Variants in NEK11 observed in about 807,000 individuals in gnomAD.
The protein encoded by NEK11 is NIMA related kinase 11.
Under a neutral mutation model 80.7 loss-of-function variants are expected in NEK11, and 72 were observed. The ratio of observed to expected loss-of-function variants is 0.89; its 90% CI spans 0.74 to 1.08. The LOEUF is 1.08. Ranked by LOEUF, NEK11 falls within the 50% of genes least tolerant of loss-of-function variation. The pLI is 0.00. For missense variants in NEK11, 764 were observed against 763.6 expected (o/e 1.00, Z -0.01); for synonymous variants, 251 against 260.7 (o/e 0.96, Z 0.36).
chr3:131,074,994 T>C (rs2074102602), intron 3 of NEK11, among the ~76,000 whole-genome samples: 1 of 152,190 alleles, frequency 6.6e-6, no homozygotes, highest in Non-Finnish European at 1.5e-5. Flanking sequence ...GACAGTAAAG[T>C]AACAGAAGCG....
chr3:131,108,670 ATAGT>A (rs1324520243), intron 4 of NEK11, among the ~76,000 whole-genome samples: 18 of 152,192 alleles, frequency 1.2e-4, no homozygotes, highest in African/African-American at 4.1e-4. Context: ...ATTTTTGATC[ATAGT>A]TAGTTTTTGG....
intron 7 of NEK11, among the ~76,000 whole-genome samples, chr3:131,149,654 G>A (rs932011410): frequency 2.0e-5 from 3 of 151,740 alleles, no homozygotes; most frequent in Non-Finnish European, 2.9e-5. Context: ...CAAATTTATT[G>A]GAAAAAACAT....
chr3:131,134,860 G>A (rs572025745), intron 7 of NEK11, among the ~76,000 whole-genome samples: 31 of 152,282 alleles, frequency 2.0e-4, no homozygotes, highest in African/African-American at 7.2e-4. Flanking sequence ...TATTCAGTAT[G>A]TTCTAGTGTA....
chr3:131,197,773 T>A (rs2094078799), intron 14 of NEK11, among the ~76,000 whole-genome samples: 1 of 152,190 alleles, frequency 6.6e-6, no homozygotes. Context: ...TGCTGAGTAC[T>A]GGGACTTGGT....
At chr3:131,063,519 CAG>C (rs1450593265) in intron 3 of NEK11, among the ~76,000 whole-genome samples, 1 of 152,138 alleles carries the variant, frequency 6.6e-6, no homozygotes, top group South Asian at 2.1e-4. Flanking sequence ...GAGTGGGAAA[CAG>C]AAGCAAGAAA....
Position 131,173,794 on chromosome 3 carries a change from A to AGG in NEK11, c.1399+2907_1399+2908insGG, listed in dbSNP as rs1285309488. Among the ~76,000 whole-genome samples the AGG allele has an allele frequency of 9.9e-5, 15 of 152,048 alleles. No homozygotes were observed. In the South Asian group the frequency reaches 1.2e-3, roughly 13 times the overall value. On this transcript the variant is annotated intron_variant, in intron 14 of 17. Coordinates refer to ENST00000383366, the MANE Select transcript of NEK11 (RefSeq NM_024800.5). Reference sequence around the variant, plus strand: ...GGAAAACCCAAGCTATGTCCTTCTTACCTCTCATTTTGTCTTTTGTCATGG... The same window carrying AGG: ...GGAAAACCCAAGCTATGTCCTTCTTAGGCCTCTCATTTTGTCTTTTGTCATGG...
intron 17 of NEK11, among the ~76,000 whole-genome samples, chr3:131,333,584 A>T (rs2097131762): frequency 6.6e-6 from 1 of 152,164 alleles, no homozygotes; most frequent in Admixed American, 6.5e-5. Context: ...ACCAGCTAAC[A>T]TCATAATGAC....
At chr3:131,114,373 T>G (rs2080674292) in intron 5 of NEK11, among the ~76,000 whole-genome samples, 1 of 152,192 alleles carries the variant, frequency 6.6e-6, no homozygotes, top group Admixed American at 6.5e-5. Context: ...AAGGGAGTCA[T>G]GCTGTATTAA....
chr3:131,344,581 G>A (rs936854702), intron 17 of NEK11, among the ~76,000 whole-genome samples: 2 of 150,214 alleles, frequency 1.3e-5, no homozygotes, highest in African/African-American at 5.0e-5. Context: ...GCTATTTGTT[G>A]CATTGCTATA....
chr3:131,028,473 A>C (rs2064235185), intron 2 of NEK11, among the ~76,000 whole-genome samples: 1 of 152,250 alleles, frequency 6.6e-6, no homozygotes, highest in African/African-American at 2.4e-5. Context: ...CTTGATAACT[A>C]ACAAAACATT....
intron 17 of NEK11, among the ~76,000 whole-genome samples, chr3:131,324,765 C>T (rs989973340): frequency 5.9e-5 from 9 of 152,174 alleles, no homozygotes; most frequent in African/African-American, 2.2e-4. Context: ...AAGGTATCTG[C>T]TTCCCCCGAT....
chr3:131,329,535 AT>A (rs1046281798), intron 17 of NEK11: 1 of 152,206 alleles, frequency 6.6e-6, no homozygotes, highest in African/African-American at 2.4e-5. Flanking sequence ...AAATCATAAA[AT>A]ATTAGGGAAA....
chr3:131,146,902 A>T (rs902865543), intron 7 of NEK11, among the ~76,000 whole-genome samples: 22 of 152,098 alleles, frequency 1.4e-4, no homozygotes, highest in African/African-American at 5.1e-4. Context: ...TTATTGCTTT[A>T]TAGAAGTTTT....
intron 3 of NEK11, among the ~76,000 whole-genome samples, chr3:131,080,039 T>TGTGTTTG (rs2074999826): frequency 2.7e-5 from 4 of 148,852 alleles, no homozygotes; most frequent in Middle Eastern, 3.2e-3. Flanking sequence ...GTGTGTGTGT[T>TGTGTTTG]TGTGTGTGTG....
chr3:131,186,793 A>G (rs901633671), intron 14 of NEK11, among the ~76,000 whole-genome samples: 1 of 152,180 alleles, frequency 6.6e-6, no homozygotes, highest in African/African-American at 2.4e-5. Flanking sequence ...AGGCATAACC[A>G]TGACTTTTGC....
At chr3:131,263,902 A>T (rs962499152) in intron 16 of NEK11, among the ~76,000 whole-genome samples, 3 of 152,200 alleles carry the variant, frequency 2.0e-5, no homozygotes, top group Non-Finnish European at 4.4e-5. Context: ...AATGATCGCC[A>T]TTCTAACTGC....
rs190700467 is a variant in NEK11 at position 131,091,537 on chromosome 3, A to T, written c.336+10949A>T. Among the ~76,000 whole-genome samples the T allele has an allele frequency of 2.5e-3, 380 of 152,332 alleles. 2 individuals are homozygous for T. The highest frequency in any genetic ancestry group is 0.014 in the Middle Eastern group (4 of 294). On this transcript the variant is annotated intron_variant, in intron 4 of 17. Coordinates refer to ENST00000383366, the MANE Select transcript of NEK11 (RefSeq NM_024800.5). ...TGTCACTCAGAGAGCATGCATCCATATGGCAAGGTAACCCAGAAAACATAA... is the reference window on the plus strand; with the variant it reads ...TGTCACTCAGAGAGCATGCATCCATTTGGCAAGGTAACCCAGAAAACATAA...
At chr3:131,106,679 G>T (rs13318623) in intron 4 of NEK11, among the ~76,000 whole-genome samples, 73,260 of 151,924 alleles carry the variant, frequency 0.48, 18,626 homozygotes, top group Middle Eastern at 0.67. Context: ...GTTTCTAAGG[G>T]TTTAAGGAAT....
rs569499571 is a variant in NEK11 at position 131,113,724 on chromosome 3, G to A, written c.455+3803G>A. Among the ~76,000 whole-genome samples, 8 of 151,922 alleles carry A rather than the reference G, an allele frequency of 5.3e-5. No homozygotes were observed. The East Asian group carries it at 9.7e-4, about 18-fold the overall frequency. ...TTAGGAGTTTGAGACTAGCCTGGCCGACATAGTGAAACCCCATCTCTACTG... is the reference window on the plus strand; with the variant it reads ...TTAGGAGTTTGAGACTAGCCTGGCCAACATAGTGAAACCCCATCTCTACTG... On this transcript the variant is annotated intron_variant, in intron 5 of 17. Transcript: ENST00000383366.
Sources: gnomAD v4.1 joint callset for allele counts (sites outside exome capture counted in the v4.1 genomes callset) on GRCh38, gnomAD v4.1.1 for gene constraint, MANE v1.5 for transcripts, NCBI Gene and HGNC (gene_info 2026-07-23, HGNC 2026-07-21) for gene names.